The following NUMB variants were observed in gnomAD, a reference collection of about 807,000 sequenced individuals.
The protein encoded by NUMB is NUMB endocytic adaptor protein, also known as protein numb homolog.
Under a neutral mutation model 59.7 loss-of-function variants are expected in NUMB, and 29 were observed. The ratio of observed to expected loss-of-function variants is 0.49; its 90% CI spans 0.36 to 0.66. The LOEUF is 0.66. NUMB is among the 30% of genes least tolerant of loss of function. NUMB has a pLI of 0.00. For missense variants in NUMB, 723 were observed against 822.0 expected (o/e 0.88, Z 1.47); for synonymous variants, 288 against 288.2 (o/e 1.00, Z 0.01).
chr14:73,341,970 A>G (rs956273667), intron 4 of NUMB, among the ~76,000 whole-genome samples: 1 of 152,214 alleles, frequency 6.6e-6, no homozygotes, highest in Non-Finnish European at 1.5e-5. Context: ...ATACTAGGCC[A>G]CAAAGAAAAT....
intron 8 of NUMB, 60 bp downstream of exon 8, chr14:73,292,674 C>A: frequency 6.3e-7 from 1 of 1,576,032 alleles, no homozygotes; most frequent in South Asian, 1.1e-5. Context: ...CTGAGCAAAC[C>A]CAGAAAGAGC....
intron 4 of NUMB, among the ~76,000 whole-genome samples, chr14:73,325,643 C>T (rs1325465668): frequency 6.6e-6 from 1 of 152,170 alleles, no homozygotes; most frequent in East Asian, 1.9e-4. Flanking sequence ...GGTTGACAAG[C>T]CTGAACTTCT....
At chr14:73,380,726 T>G (rs1438082484) in intron 2 of NUMB, among the ~76,000 whole-genome samples, 1 of 147,814 alleles carries the variant, frequency 6.8e-6, no homozygotes, top group Non-Finnish European at 1.5e-5. Context: ...ATCAATTAGT[T>G]TTTTTTTTTT....
intron 2 of NUMB, among the ~76,000 whole-genome samples, chr14:73,386,371 T>C (rs1028518996): frequency 1.3e-5 from 2 of 152,340 alleles, no homozygotes; most frequent in Middle Eastern, 3.4e-3. Context: ...AGCACTTCAA[T>C]ATCCTTTCTT....
chr14:73,353,860 G>T (rs1165291535), intron 4 of NUMB, among the ~76,000 whole-genome samples: 1 of 151,886 alleles, frequency 6.6e-6, no homozygotes, highest in Non-Finnish European at 1.5e-5. Context: ...ACTGTATGGT[G>T]GGGGAGATAA....
At chr14:73,367,690 G>GT (rs2140047843) in intron 2 of NUMB, among the ~76,000 whole-genome samples, 1 of 148,630 alleles carries the variant, frequency 6.7e-6, no homozygotes, top group East Asian at 2.0e-4. Context: ...CAGAAGGATA[G>GT]GTTGAGCCTG....
intron 4 of NUMB, among the ~76,000 whole-genome samples, chr14:73,351,160 A>G (rs1426680749): frequency 6.6e-6 from 1 of 152,206 alleles, no homozygotes; most frequent in Non-Finnish European, 1.5e-5. Context: ...TCCTAAATCT[A>G]TAAATACATA....
intron 1 of NUMB, among the ~76,000 whole-genome samples, chr14:73,438,390 G>C (rs1898145389): frequency 6.6e-6 from 1 of 152,060 alleles, no homozygotes. Context: ...CAGCACTTTG[G>C]GAGGCCGAGG....
At chr14:73,296,081 GGTAAAAGGATAGTCTATCATCTATT>G (rs1343983493) in intron 7 of NUMB, among the ~76,000 whole-genome samples, 2,169 of 151,962 alleles carry the variant, frequency 0.014, 47 homozygotes, top group African/African-American at 0.046. Context: ...TTTAAAACAT[GGTAAAAGGATAGTCTATCATCTATT>G]GTATCAAATT....
intron 6 of NUMB, among the ~76,000 whole-genome samples, chr14:73,307,976 G>C (rs565021712): frequency 2.0e-5 from 3 of 151,622 alleles, no homozygotes; most frequent in Non-Finnish European, 2.9e-5. Context: ...CTCGTGATCC[G>C]CCCGCCTCGT....
At chr14:73,369,283 C>G (rs986120709) in intron 2 of NUMB, among the ~76,000 whole-genome samples, 2 of 152,096 alleles carry the variant, frequency 1.3e-5, no homozygotes, top group African/African-American at 4.8e-5. Flanking sequence ...CCTCGTGATC[C>G]ACCTGCCTCA....
At position 73,276,204 on chromosome 14, in the gene NUMB, A is replaced by T. The variant is rs1888142255; in HGVS notation, c.*374T>A. 1 of 188,040 alleles carries T rather than the reference A, an allele frequency of 5.3e-6. No homozygotes were observed. The highest frequency in any genetic ancestry group is 5.3e-5 in the Admixed American group (1 of 18,710). 11.6% of individuals were successfully genotyped at this position (188,040 alleles called of 1,614,324 possible). ...ACAGGAGGCAGGTGAATGGCCTGAA[A>T]AACAAAGGGAGATTGCTTTGCTTCC... On this transcript the variant is annotated 3_prime_UTR_variant, in exon 13 of 13. Transcript: ENST00000555238.
chr14:73,451,329 C>T (rs894505794), intron 1 of NUMB, among the ~76,000 whole-genome samples: 1 of 149,190 alleles, frequency 6.7e-6, no homozygotes, highest in Non-Finnish European at 1.5e-5. Flanking sequence ...CCCAGCTATT[C>T]GGGAGGCTAA....
At position 73,276,813 on chromosome 14, in the gene NUMB, G is replaced by A. The variant is rs1888191693; in HGVS notation, c.1721C>T (p.Pro574Leu). The A allele has an allele frequency of 1.2e-6, 2 of 1,614,036 alleles. No individual in the cohort carries two copies. The highest frequency in any genetic ancestry group is 2.2e-5 in the East Asian group (1 of 44,894). The change falls in exon 13 of 13, where the codon CCC becomes CTC. Residue 574 changes from proline (P) to leucine (L), a missense_variant. By Grantham distance (98) the Pro-to-Leu change is moderately conservative (BLOSUM62 -3). Coordinates refer to ENST00000555238, the MANE Select transcript of NUMB (RefSeq NM_001005743.2). ...HYEASSATTS[P>L]FFKPPAQHLN... ...GTGCTGAGCAGGAGGCTTAAAGAAG[G>A]GACTGGTGGTAGCACTGCTTGCCTC...
In NUMB at chr14:73,358,996, T is replaced by A. The variant is rs571798777; in HGVS notation, c.-15-3230A>T. Among the ~76,000 whole-genome samples, 3 of 152,256 alleles carry A rather than the reference T, an allele frequency of 2.0e-5. No homozygotes were observed. The East Asian group carries it at 5.8e-4, about 29-fold the overall frequency. ...TGACAACTTCCATTAAAAGAGGACA[T>A]CCAACCTCTGTCTAAATAGATCTAG... On this transcript the variant is annotated intron_variant, in intron 3 of 12. Coordinates refer to ENST00000555238, the MANE Select transcript of NUMB (RefSeq NM_001005743.2).
chr14:73,307,351 G>A (rs796451605), intron 6 of NUMB, among the ~76,000 whole-genome samples: 5 of 151,748 alleles, frequency 3.3e-5, no homozygotes, highest in African/African-American at 1.2e-4. Flanking sequence ...GAGTGTGTGT[G>A]TGTCTGGGGG....
chr14:73,456,390 G>A (rs1192661162), intron 1 of NUMB, among the ~76,000 whole-genome samples: 3 of 152,048 alleles, frequency 2.0e-5, no homozygotes, highest in Non-Finnish European at 4.4e-5. Context: ...GATTATAGGC[G>A]TGAGCCACCG....
chr14:73,312,378 T>A (rs1451990129), intron 6 of NUMB, among the ~76,000 whole-genome samples: 1 of 151,866 alleles, frequency 6.6e-6, no homozygotes, highest in Non-Finnish European at 1.5e-5. Flanking sequence ...GGGGACTCTG[T>A]CTCAACAACA....
intron 3 of NUMB, among the ~76,000 whole-genome samples, chr14:73,360,409 T>A (rs1165098443): frequency 3.3e-5 from 5 of 152,098 alleles, no homozygotes; most frequent in East Asian, 1.9e-4. Context: ...TACAAAAAAA[T>A]TAGCGAAGTG....
Sources: gnomAD v4.1 joint callset for allele counts (sites outside exome capture counted in the v4.1 genomes callset) on GRCh38, gnomAD v4.1.1 for gene constraint, MANE v1.5 for transcripts, NCBI Gene and HGNC (gene_info 2026-07-23, HGNC 2026-07-21) for gene names.